Variants in C12orf43 observed in about 807,000 individuals in gnomAD.
C12orf43 encodes chromosome 12 open reading frame 43, also known as protein CUSTOS.
C12orf43 carries 15 observed loss-of-function variants against 20.6 expected under a neutral mutation model. The observed-to-expected ratio is 0.73, with a 90% CI of 0.49 to 1.12. C12orf43 has a LOEUF of 1.12. Ranked by LOEUF, C12orf43 falls within the 50% of genes most tolerant of loss-of-function variation. The probability of loss-of-function intolerance (pLI) is 0.00; values close to 1 mark genes in which losing one functional copy is unlikely to be tolerated. For synonymous variants in C12orf43, 144 were observed against 130.8 expected, an observed-to-expected ratio of 1.10 and a Z score of -0.69; for missense variants, 334 against 344.4, an observed-to-expected ratio of 0.97 and a Z score of 0.24.
chr12:121,015,692 A>C (rs1868835808), intron 1 of C12orf43, among the ~76,000 whole-genome samples: 1 of 152,244 alleles, frequency 6.6e-6, no homozygotes, highest in Non-Finnish European at 1.5e-5. Flanking sequence ...TGTATCTGCA[A>C]AGATTGTAAT....
chr12:121,012,767 G>A (rs754928739), intron 1 of C12orf43: 47 of 250,766 alleles, frequency 1.9e-4, no homozygotes, highest in Non-Finnish European at 3.2e-4. Flanking sequence ...CAGGAGAATC[G>A]CTCGAACCCA....
intron 4 of C12orf43, 170 bp downstream of exon 4, chr12:121,006,151 G>A: frequency 1.7e-6 from 1 of 591,254 alleles, no homozygotes; most frequent in South Asian, 2.1e-5. Context: ...GGGAGGTTGA[G>A]GCTGCATTGA....
chr12:121,001,771 T>A lies in C12orf43; in HGVS notation c.*2382A>T, dbSNP rs560381028. ...ACAGGCATTTCCTGGGTGGCTACTC[T>A]GTGCCAGAGCCTGGGGCTCTAACGC... On this transcript the variant is annotated 3_prime_UTR_variant, in exon 6 of 6. Transcript: ENST00000288757. 3.4e-5 allele frequency: 18 copies of A among 535,882 alleles called. No individual in the cohort carries two copies. The East Asian group carries it at 3.5e-4, about 10-fold the overall frequency. The allele number at this position is 535,882 out of a possible 1,614,324, so 33.2% of individuals were successfully genotyped here. A position where few individuals can be genotyped will look rare whatever the true frequency, so the allele number is the denominator to read the frequency against.
rs746220744 is a variant in C12orf43, at chr12:121,004,435, G to A, written c.507C>T (p.Ser169=). The change falls in exon 6 of 6, where the codon TCC becomes TCT. Residue 169 remains serine, a synonymous_variant. Transcript: ENST00000288757. This position sits in a 1 kb window ranked among gnomAD's most constrained non-coding sequence, Gnocchi z 5.6. ...RRCREAAVSA[S]DILQESAIHS... The stretch of plus-strand genomic sequence containing the variant: ...GGATGGCTGACTCCTGTAGGATGTC[G>A]GACGCCGACACAGCTGCCTCCCGGC... The A allele has an allele frequency of 1.1e-5, 17 of 1,612,814 alleles. No homozygotes were observed. Among genetic ancestry groups the A allele is most frequent in the African/African-American group, 2.7e-5 (2 of 74,880 alleles).
At position 121,003,305 on chromosome 12, in the gene C12orf43, C is replaced by G. The variant is rs955603080; in HGVS notation, c.*848G>C. The G allele has an allele frequency of 8.5e-5, 13 of 152,190 alleles. No individual in the cohort carries two copies. The highest frequency in any genetic ancestry group is 3.1e-4 in the African/African-American group (13 of 41,432). The allele number at this position is 152,190 out of a possible 1,614,324, so 9.4% of individuals were successfully genotyped here. ...CCTCTCAAAATGCTTGGATTACAGG[C>G]ATGAGCCACTGCACCCGGCCACAAG... On this transcript the variant is annotated 3_prime_UTR_variant, in exon 6 of 6. Coordinates refer to ENST00000288757, the MANE Select transcript of C12orf43 (RefSeq NM_022895.3).
rs1270507364 is a variant in C12orf43, at chr12:121,003,350, GC to G, written c.*802del. 1 of 152,194 alleles carries G rather than the reference GC, an allele frequency of 6.6e-6. No homozygotes were observed. The highest frequency in any genetic ancestry group is 1.9e-4 in the East Asian group (1 of 5,188). The allele number at this position is 152,194 out of a possible 1,614,324, so 9.4% of individuals were successfully genotyped here. A position where few individuals can be genotyped will look rare whatever the true frequency, so the allele number is the denominator to read the frequency against. On this transcript the variant is annotated 3_prime_UTR_variant, in exon 6 of 6. Coordinates refer to ENST00000288757, the MANE Select transcript of C12orf43 (RefSeq NM_022895.3). ...CACAAGCTTCTACTTCTTGCAGAAT[GC>G]CTTTGTCCCATGAAACCTAGTCCAC...
chr12:121,003,844 A>G lies in C12orf43; in HGVS notation c.*309T>C. 1 of 413,670 alleles carries G rather than the reference A, an allele frequency of 2.4e-6. No individual in the cohort carries two copies. The highest frequency in any genetic ancestry group is 2.0e-5 in the African/African-American group (1 of 49,608). The allele number at this position is 413,670 out of a possible 1,614,324, so 25.6% of individuals were successfully genotyped here. ...ATGGAGGTTTCACCACTTGGCCACT[A>G]GTCTCAAATAACTGGAAGGTTCCTT... is the stretch of plus-strand genomic sequence containing the variant. On this transcript the variant is annotated 3_prime_UTR_variant, in exon 6 of 6. Transcript: ENST00000288757.
chr12:121,015,615 T>C (rs964750027), intron 1 of C12orf43, among the ~76,000 whole-genome samples: 3 of 152,226 alleles, frequency 2.0e-5, no homozygotes, highest in African/African-American at 7.2e-5. Flanking sequence ...ACATTTTAAA[T>C]CAGGGATGAG....
At chr12:121,012,658 C>T (rs1027616090) in intron 1 of C12orf43, 6 of 504,472 alleles carry the variant, frequency 1.2e-5, no homozygotes, top group African/African-American at 1.2e-4. Context: ...CGAGACCATC[C>T]TGGTCAACAT....
At chr12:121,015,260 G>T (rs374873865) in intron 1 of C12orf43, among the ~76,000 whole-genome samples, 26 of 152,298 alleles carry the variant, frequency 1.7e-4, no homozygotes, top group African/African-American at 6.0e-4. Flanking sequence ...TGGTACTAGG[G>T]GGTGAGAGGG....
chr12:121,008,579 A>T (rs1379982319), intron 3 of C12orf43, among the ~76,000 whole-genome samples: 1 of 152,218 alleles, frequency 6.6e-6, no homozygotes. Flanking sequence ...GAAGCCAGAG[A>T]GTCACAAAGG....
chr12:121,016,398 C>T lies in C12orf43; in HGVS notation c.77G>A (p.Cys26Tyr), dbSNP rs201929129. 1.2e-6 allele frequency: 2 copies of T among 1,613,872 alleles called. No homozygotes were observed. The highest frequency in any genetic ancestry group is 1.7e-5 in the Admixed American group (1 of 60,018). The part of the protein sequence containing the change: ...SSSDAEELER[C>Y]REAAMPAWGL... ...CCAAGCCGGCATTGCCGCCTCGCGGCACCGCTCCAGCTCCTCCGCATCGCT... is the reference window on the plus strand; with the variant it reads ...CCAAGCCGGCATTGCCGCCTCGCGGTACCGCTCCAGCTCCTCCGCATCGCT... The change falls in exon 1 of 6, where the codon TGC (cysteine) becomes TAC (tyrosine). Residue 26 changes from cysteine to tyrosine, a missense_variant. By Grantham distance (194) the Cys-to-Tyr change is radical. Coordinates refer to ENST00000288757, the MANE Select transcript of C12orf43 (RefSeq NM_022895.3).
intron 1 of C12orf43, 126 bp downstream of exon 1, chr12:121,016,204 A>T: frequency 1.4e-6 from 2 of 1,413,460 alleles, no homozygotes; most frequent in Non-Finnish European, 2.0e-6. Context: ...CACTACACCC[A>T]GTCCCTGGAG....
intron 3 of C12orf43, among the ~76,000 whole-genome samples, chr12:121,010,583 T>A (rs1235991961): frequency 6.6e-6 from 1 of 152,144 alleles, no homozygotes; most frequent in African/African-American, 2.4e-5. Flanking sequence ...GCTCAGTAAA[T>A]GGTAGCTGCG....
chr12:121,013,756 A>G lies in C12orf43; in HGVS notation c.145+2574T>C, dbSNP rs750649376. 1.4e-3 allele frequency among the ~76,000 whole-genome samples: 210 copies of G among 152,332 alleles called. 1 individual carries two copies. Among genetic ancestry groups the G allele is most frequent in the Non-Finnish European group, 1.9e-3 (130 of 68,034 alleles). On this transcript the variant is annotated intron_variant, in intron 1 of 5. Coordinates refer to ENST00000288757, the MANE Select transcript of C12orf43 (RefSeq NM_022895.3). ...AAAGGGTGGGAGTTTTGACCACAAT[A>G]GACACTTGTCCATGGCAGAGTGGCA...
chr12:121,010,740 G>C (rs1878387301), intron 3 of C12orf43, 88 bp downstream of exon 3: 2 of 1,059,538 alleles, frequency 1.9e-6, no homozygotes, highest in Non-Finnish European at 2.6e-6. Context: ...CACCGTGCCA[G>C]CCTGGACACC....
intron 1 of C12orf43, among the ~76,000 whole-genome samples, chr12:121,015,643 C>T (rs908095851): frequency 6.6e-6 from 1 of 152,032 alleles, no homozygotes; most frequent in Non-Finnish European, 1.5e-5. Flanking sequence ...GACTTTTTTC[C>T]CCAATATCTT....
At position 121,001,144 on chromosome 12, in the gene C12orf43, C is replaced by T. The variant is rs375702866; in HGVS notation, c.*3009G>A. ...GCCACCTGCTGCCATCCAACCACAGCGTCATCGAGACCTTCATCTCCACCC... is the reference window on the plus strand; with the variant it reads ...GCCACCTGCTGCCATCCAACCACAGTGTCATCGAGACCTTCATCTCCACCC... On this transcript the variant is annotated 3_prime_UTR_variant, in exon 6 of 6. Coordinates refer to ENST00000288757, the MANE Select transcript of C12orf43 (RefSeq NM_022895.3). 38 of 1,613,986 alleles carry T rather than the reference C, an allele frequency of 2.4e-5. 1 individual carries two copies. Among genetic ancestry groups the T allele is most frequent in the South Asian group, 1.3e-4 (12 of 91,090 alleles).
rs140065005 is a variant in C12orf43, at chr12:121,006,337, G to A, written c.345C>T (p.Val115=). ...KEPAKAKVQK[V]ALEDDGFRLF... ...ACCACTCACCATCATCCTCCAAAGCGACTTTCTGTACCTTAGCTTTTGCTG... is the reference window on the plus strand; with the variant it reads ...ACCACTCACCATCATCCTCCAAAGCAACTTTCTGTACCTTAGCTTTTGCTG... Residue 115 remains valine, a synonymous_variant, in exon 4 of 6, where the codon GTC becomes GTT. Transcript: ENST00000288757. The A allele has an allele frequency of 2.7e-5, 44 of 1,613,846 alleles. No individual in the cohort carries two copies. The African/African-American group carries it at 5.2e-4, about 19-fold the overall frequency.
Sources: gnomAD v4.1 joint callset for allele counts (sites outside exome capture counted in the v4.1 genomes callset) on GRCh38, gnomAD v4.1.1 for gene constraint, Gnocchi (gnomAD v3.1) non-coding constraint, MANE v1.5 for transcripts, NCBI Gene and HGNC (gene_info 2026-07-23, HGNC 2026-07-21) for gene names.